Variants in TCEA3 observed in about 807,000 individuals in gnomAD.
TCEA3 encodes transcription elongation factor A3.
A neutral mutation model predicts 44.0 loss-of-function variants in TCEA3; 36 were observed. That is an observed-to-expected ratio of 0.82 (90% CI 0.63 to 1.08). TCEA3 has a LOEUF of 1.08. Ranked by LOEUF, TCEA3 falls within the 50% of genes least tolerant of loss-of-function variation. The pLI, the probability that TCEA3 is intolerant of heterozygous loss-of-function variation, is 0.00. For synonymous variants in TCEA3, 162 were observed against 159.7 expected, an observed-to-expected ratio of 1.01 and a Z score of -0.11; for missense variants, 392 against 441.2, an observed-to-expected ratio of 0.89 and a Z score of 1.00.
chr1:23,388,230 G>T (rs1265562412), intron 8 of TCEA3, among the ~76,000 whole-genome samples: 1 of 146,218 alleles, frequency 6.8e-6, no homozygotes, highest in African/African-American at 2.6e-5. Context: ...ATGGAGTCTC[G>T]CTCTGTCACC....
chr1:23,384,220 C>G (rs1638753951), intron 10 of TCEA3, 126 bp downstream of exon 10: 1 of 1,567,026 alleles, frequency 6.4e-7, no homozygotes, highest in South Asian at 1.2e-5. Flanking sequence ...GCTCTGCAGA[C>G]CTACTCTGTG....
rs532565495 is a variant in TCEA3 at position 23,386,518 on chromosome 1, G to A, written c.966+755C>T. On this transcript the variant is annotated intron_variant, in intron 9 of 10. Transcript: ENST00000450454. Reference sequence around the variant, plus strand: ...CTCCCAAAGTGCTGGGATTACAGGCGTGAGCCACTGAGCTGGCCCAGCCTA... The same window carrying A: ...CTCCCAAAGTGCTGGGATTACAGGCATGAGCCACTGAGCTGGCCCAGCCTA... 5.3e-5 allele frequency among the ~76,000 whole-genome samples: 8 copies of A among 152,016 alleles called. No individual in the cohort carries two copies. The East Asian group carries it at 7.8e-4, about 15-fold the overall frequency.
intron 3 of TCEA3, 126 bp downstream of exon 3, chr1:23,417,778 G>A: frequency 1.2e-6 from 1 of 847,530 alleles, no homozygotes; most frequent in Non-Finnish European, 1.9e-6. Flanking sequence ...CCCGGATCCA[G>A]AGGCCATCTG....
At chr1:23,395,818 A>G (rs1639199530) in intron 7 of TCEA3, among the ~76,000 whole-genome samples, 1 of 145,480 alleles carries the variant, frequency 6.9e-6, no homozygotes, top group South Asian at 2.3e-4. Flanking sequence ...ACAGAGCAAG[A>G]TTCCATCTCA....
At chr1:23,399,179 T>TATATATATAA (rs1553167289) in intron 5 of TCEA3, among the ~76,000 whole-genome samples, 1 of 133,568 alleles carries the variant, frequency 7.5e-6, no homozygotes, top group East Asian at 2.1e-4. Flanking sequence ...TATATATATA[T>TATATATATAA]CCATATGTGC....
At chr1:23,417,787 T>C in intron 3 of TCEA3, 117 bp downstream of exon 3, 2 of 911,316 alleles carry the variant, frequency 2.2e-6, no homozygotes, top group East Asian at 2.6e-5. Context: ...AGAGGCCATC[T>C]GTCACTGATT....
At chr1:23,412,858 C>T (rs1274329001) in intron 4 of TCEA3, among the ~76,000 whole-genome samples, 1 of 152,170 alleles carries the variant, frequency 6.6e-6, no homozygotes, top group Non-Finnish European at 1.5e-5. Context: ...CTAAGTTTCA[C>T]TAATGTGGTT....
intron 4 of TCEA3, among the ~76,000 whole-genome samples, chr1:23,415,560 G>C (rs1023174121): frequency 6.6e-6 from 1 of 152,202 alleles, no homozygotes; most frequent in African/African-American, 2.4e-5. Context: ...AGGTGCTCCA[G>C]ACATGGCCAG....
intron 8 of TCEA3, among the ~76,000 whole-genome samples, chr1:23,390,716 C>G (rs895170896): frequency 6.6e-6 from 1 of 152,052 alleles, no homozygotes; most frequent in Non-Finnish European, 1.5e-5. Context: ...GAGGCAGCAT[C>G]AGAGACACGG....
At chr1:23,398,003 C>A in intron 5 of TCEA3, 48 bp from the exon 6 acceptor site, 3 of 1,599,006 alleles carry the variant, frequency 1.9e-6, no homozygotes, top group Non-Finnish European at 2.6e-6. Flanking sequence ...GAGAGTAAAG[C>A]ATTTATTGAG....
At chr1:23,382,974 T>C (rs376326559) in intron 10 of TCEA3, among the ~76,000 whole-genome samples, 135 of 152,216 alleles carry the variant, frequency 8.9e-4, no homozygotes, top group African/African-American at 3.2e-3. Context: ...GCTACTGAGG[T>C]CCTTAGTAAG....
Position 23,417,559 on chromosome 1 carries a change from G to A in TCEA3, c.239-169C>T, listed in dbSNP as rs573750917. On this transcript the variant is annotated intron_variant, in intron 3 of 10. Transcript: ENST00000450454. Reference sequence around the variant, plus strand: ...AAATGCACAAACAACAGGAACGTGTGTACAAATACACAGTCTCACATGGGG... The same window carrying A: ...AAATGCACAAACAACAGGAACGTGTATACAAATACACAGTCTCACATGGGG... 6.6e-5 allele frequency among the ~76,000 whole-genome samples: 10 copies of A among 152,262 alleles called. No individual in the cohort carries two copies. The South Asian group carries it at 1.9e-3, about 28-fold the overall frequency.
rs143584202 is a variant in TCEA3, at chr1:23,389,606, C to T, written c.820-2187G>A. 2.8e-4 allele frequency among the ~76,000 whole-genome samples: 42 copies of T among 152,174 alleles called. No individual in the cohort carries two copies. In the East Asian group the frequency reaches 7.9e-3, roughly 29 times the overall value. ...TGGAGGGTGCAGTGAGCCGAGATCA[C>T]GTCACTGCACTCCAGCCTGGGTGAC... On this transcript the variant is annotated intron_variant, in intron 8 of 10. Transcript: ENST00000450454.
intron 5 of TCEA3, among the ~76,000 whole-genome samples, chr1:23,398,573 C>T (rs1439812387): frequency 6.6e-6 from 1 of 152,166 alleles, no homozygotes; most frequent in African/African-American, 2.4e-5. Flanking sequence ...CAGAACTGTG[C>T]CAGGCACTTT....
At chr1:23,392,942 T>C (rs1472715654) in intron 8 of TCEA3, among the ~76,000 whole-genome samples, 1 of 152,190 alleles carries the variant, frequency 6.6e-6, no homozygotes, top group African/African-American at 2.4e-5. Context: ...ACTTTATTTC[T>C]ATTATTATTA....
chr1:23,418,937 G>T, intron 2 of TCEA3, 140 bp downstream of exon 2: 1 of 625,334 alleles, frequency 1.6e-6, no homozygotes. Flanking sequence ...TCCCTGGGAG[G>T]TCTCCACCTC....
intron 1 of TCEA3, chr1:23,423,791 A>G (rs922332143): frequency 2.2e-6 from 1 of 455,856 alleles, no homozygotes; most frequent in African/African-American, 2.0e-5. Flanking sequence ...AAGATCAAAC[A>G]TTAACTTCCA....
chr1:23,397,792 C>T lies in TCEA3; in HGVS notation c.607G>A (p.Asp203Asn), dbSNP rs759023348. The stretch of plus-strand genomic sequence containing the variant: ...TCATCCCTAGCCCAGGCTCTCTCAC[C>T]GTCCGCCTTCAGGGCTGCTGACAGC... ...EMLSAALKAD[D>N]DYKDYGVNCD... Residue 203 changes from aspartate (D) to asparagine (N), a missense_variant and splice_region_variant, in exon 6 of 11, where the codon GAT (aspartate) becomes AAT (asparagine). Coordinates refer to ENST00000450454, the MANE Select transcript of TCEA3 (RefSeq NM_003196.3). 8.1e-6 allele frequency: 13 copies of T among 1,613,796 alleles called. No individual in the cohort carries two copies. The highest frequency in any genetic ancestry group is 1.6e-4 in the Middle Eastern group (1 of 6,084).
chr1:23,385,313 C>T (rs1384617535), intron 9 of TCEA3, among the ~76,000 whole-genome samples: 1 of 152,196 alleles, frequency 6.6e-6, no homozygotes, highest in East Asian at 1.9e-4. Context: ...TGGGTGAGCC[C>T]CAGCAGCCCA....
Sources: gnomAD v4.1 joint callset for allele counts (sites outside exome capture counted in the v4.1 genomes callset) on GRCh38, gnomAD v4.1.1 for gene constraint, MANE v1.5 for transcripts, NCBI Gene and HGNC (gene_info 2026-07-23, HGNC 2026-07-21) for gene names.